ERC1: variants seen among roughly 807,000 people sequenced by gnomAD.
ERC1 encodes the protein RAB6 interacting protein 2.
In ERC1, 56 loss-of-function variants were observed where a neutral mutation model predicts 132.0. That is an observed-to-expected ratio of 0.42 (90% CI 0.34 to 0.53). The LOEUF (loss-of-function observed/expected upper bound fraction) is 0.53, where lower values mean the gene tolerates loss of function less well. Among genes scored for constraint, ERC1 ranks in the 20% least tolerant of loss-of-function variants. The pLI is 0.03. For synonymous variants in ERC1, 478 were observed against 476.1 expected, an observed-to-expected ratio of 1.00 and a Z score of -0.05; for missense variants, 1,202 against 1,349.9, an observed-to-expected ratio of 0.89 and a Z score of 1.72.
chr12:1,029,129 G>T (rs537047816), intron 2 of ERC1, among the ~76,000 whole-genome samples: 41 of 152,218 alleles, frequency 2.7e-4, no homozygotes, highest in African/African-American at 9.4e-4. Context: ...CGAGGTGGGC[G>T]GATCATTGAG....
chr12:1,003,319 A>AT (rs1962837213), intron 1 of ERC1, among the ~76,000 whole-genome samples: 2 of 152,132 alleles, frequency 1.3e-5, no homozygotes, highest in Non-Finnish European at 2.9e-5. Context: ...ATCTTTTGTT[A>AT]AATTTAGTCC....
chr12:1,306,340 C>T (rs1471846026), intron 15 of ERC1, among the ~76,000 whole-genome samples: 1 of 152,180 alleles, frequency 6.6e-6, no homozygotes. Flanking sequence ...GGGCTTGTTC[C>T]ATGTGGCAAT....
chr12:1,369,506 T>C (rs544161692), intron 15 of ERC1, among the ~76,000 whole-genome samples: 5 of 152,238 alleles, frequency 3.3e-5, no homozygotes, highest in African/African-American at 4.8e-5. Flanking sequence ...CTACTAAATA[T>C]GTGATTCTGA....
rs192394955 is a variant in ERC1, at chr12:1,234,068, A to T, written c.2352-2701A>T. On this transcript the variant is annotated intron_variant, in intron 12 of 18. Coordinates refer to ENST00000360905, the MANE Select transcript of ERC1 (RefSeq NM_178040.4). ...ATTTTAAATGATGGCAAAACGTATA[A>T]TGTACATAGAAATAAAATATATACA... Among the ~76,000 whole-genome samples, 5 of 152,340 alleles carry T rather than the reference A, an allele frequency of 3.3e-5. No individual in the cohort carries two copies. The East Asian group carries it at 7.7e-4, about 23-fold the overall frequency.
intron 17 of ERC1, among the ~76,000 whole-genome samples, chr12:1,435,825 A>G (rs965603131): frequency 2.6e-5 from 4 of 152,194 alleles, no homozygotes; most frequent in Non-Finnish European, 5.9e-5. Context: ...CTCCAATGGA[A>G]AGGTGCCCAT....
rs565373591 is a variant in ERC1 at position 1,221,905 on chromosome 12, G to A, written c.2352-14864G>A. Among the ~76,000 whole-genome samples the A allele has an allele frequency of 1.2e-3, 176 of 152,234 alleles. 2 individuals are homozygous for A. Among genetic ancestry groups the A allele is most frequent in the African/African-American group, 3.9e-3 (161 of 41,540 alleles). On this transcript the variant is annotated intron_variant, in intron 12 of 18. Transcript: ENST00000360905. Reference sequence around the variant, plus strand: ...AGTCATTGAATAATTGGGATGATAGGTTCTGAGAAACATCACTATGTGGTA... The same window carrying A: ...AGTCATTGAATAATTGGGATGATAGATTCTGAGAAACATCACTATGTGGTA...
At chr12:1,043,800 T>C (rs1326190347) in intron 2 of ERC1, among the ~76,000 whole-genome samples, 1 of 150,510 alleles carries the variant, frequency 6.6e-6, no homozygotes, top group East Asian at 2.0e-4. Context: ...ACCTAGAACT[T>C]TTGCCATTTT....
At chr12:1,016,414 T>A (rs1965509700) in intron 1 of ERC1, among the ~76,000 whole-genome samples, 1 of 152,226 alleles carries the variant, frequency 6.6e-6, no homozygotes, top group Admixed American at 6.5e-5. Context: ...ATTTTTCTAA[T>A]CTATGAGGAG....
At chr12:1,173,158 CT>C (rs1455712227) in intron 8 of ERC1, among the ~76,000 whole-genome samples, 1 of 152,124 alleles carries the variant, frequency 6.6e-6, no homozygotes, top group Non-Finnish European at 1.5e-5. Flanking sequence ...TGGAAAGATG[CT>C]TTATGTGATT....
chr12:1,031,447 T>G (rs957266816), intron 2 of ERC1, among the ~76,000 whole-genome samples: 31 of 152,292 alleles, frequency 2.0e-4, no homozygotes, highest in African/African-American at 7.5e-4. Context: ...CTCCTACCAT[T>G]CTATTGTATC....
intron 16 of ERC1, among the ~76,000 whole-genome samples, chr12:1,397,077 G>A (rs2090605678): frequency 1.3e-5 from 2 of 152,156 alleles, no homozygotes; most frequent in Admixed American, 6.5e-5. Flanking sequence ...AGAAAGAAAT[G>A]TACATGGTCC....
At chr12:1,225,239 A>G (rs900566515) in intron 12 of ERC1, among the ~76,000 whole-genome samples, 2 of 151,414 alleles carry the variant, frequency 1.3e-5, no homozygotes, top group African/African-American at 4.9e-5. Flanking sequence ...CGAGAGGATC[A>G]CTTGGGGCCA....
At chr12:1,072,184 A>C (rs1940515923) in intron 2 of ERC1, among the ~76,000 whole-genome samples, 1 of 152,190 alleles carries the variant, frequency 6.6e-6, no homozygotes, top group Non-Finnish European at 1.5e-5. Flanking sequence ...TGAATTGCAA[A>C]TATAACTTGG....
rs3741977 is a variant in ERC1 at position 1,492,395 on chromosome 12, G to A, written c.*2165G>A. The A allele has an allele frequency of 0.33, 77,549 of 232,800 alleles. 14,032 individuals are homozygous for A. Among genetic ancestry groups the A allele is most frequent in the Non-Finnish European group, 0.39 (46,537 of 117,850 alleles). The allele number at this position is 232,800 out of a possible 1,614,324, so 14.4% of individuals were successfully genotyped here. A position where few individuals can be genotyped will look rare whatever the true frequency, so the allele number is the denominator to read the frequency against. On this transcript the variant is annotated 3_prime_UTR_variant, in exon 19 of 19. Coordinates refer to ENST00000360905, the MANE Select transcript of ERC1 (RefSeq NM_178040.4). ...ACTGCGGTGTGATAACAGCCTTCACGGGGCCACGGTGGAACCAAGACAGCA... is the reference window on the plus strand; with the variant it reads ...ACTGCGGTGTGATAACAGCCTTCACAGGGCCACGGTGGAACCAAGACAGCA...
Position 1,352,454 on chromosome 12 carries a change from A to G in ERC1, c.2781-19379A>G, listed in dbSNP as rs1189638903. ...GGCTGGAAAATTTAGGTTGGAGCCAAACTGCAAATGGTTTGAATGTCATCA... is the reference window on the plus strand; with the variant it reads ...GGCTGGAAAATTTAGGTTGGAGCCAGACTGCAAATGGTTTGAATGTCATCA... On this transcript the variant is annotated intron_variant, in intron 15 of 18. Transcript: ENST00000360905. 2.0e-5 allele frequency among the ~76,000 whole-genome samples: 3 copies of G among 152,246 alleles called. No homozygotes were observed. The East Asian group carries it at 5.8e-4, about 29-fold the overall frequency.
chr12:1,404,746 A>T (rs7974933), intron 16 of ERC1, among the ~76,000 whole-genome samples: 136 of 152,148 alleles, frequency 8.9e-4, no homozygotes, highest in African/African-American at 3.1e-3. Context: ...TTTTACAGGG[A>T]TGCTAATCTC....
intron 7 of ERC1, among the ~76,000 whole-genome samples, chr12:1,125,907 T>C (rs1009618401): frequency 3.9e-5 from 6 of 152,234 alleles, no homozygotes; most frequent in African/African-American, 1.2e-4. Flanking sequence ...AGACAAATAC[T>C]ACATATGATT....
intron 2 of ERC1, among the ~76,000 whole-genome samples, chr12:1,029,556 T>C (rs1194752340): frequency 6.6e-6 from 1 of 152,114 alleles, no homozygotes; most frequent in Non-Finnish European, 1.5e-5. Context: ...ATTATAATTA[T>C]GGGCTTTGCA....
chr12:1,158,411 C>G (rs1951586762), intron 8 of ERC1, among the ~76,000 whole-genome samples: 1 of 151,830 alleles, frequency 6.6e-6, no homozygotes, highest in Admixed American at 6.6e-5. Context: ...AACAGCTTAA[C>G]TGTTCCCAGT....
Sources: allele counts gnomAD v4.1 joint callset (sites outside exome capture counted in the v4.1 genomes callset), GRCh38; gene constraint gnomAD v4.1.1; transcripts MANE v1.5; gene names NCBI Gene and HGNC (gene_info 2026-07-23, HGNC 2026-07-21).